Variants in ZNF169 observed in about 807,000 individuals in gnomAD.
ZNF169 encodes the protein zinc finger protein 169.
Under a neutral mutation model 12.0 loss-of-function variants are expected in ZNF169, and 11 were observed. The observed-to-expected ratio is 0.92, with a 90% confidence interval of 0.58 to 1.52. The LOEUF (loss-of-function observed/expected upper bound fraction) is 1.52, where lower values mean the gene tolerates loss of function less well. Ranked by LOEUF, ZNF169 falls within the 40% of genes most tolerant of loss-of-function variation. The pLI is 0.00. For synonymous variants in ZNF169, 302 were observed against 286.5 expected, an observed-to-expected ratio of 1.05 and a Z score of -0.55; for missense variants, 722 against 744.0, an observed-to-expected ratio of 0.97 and a Z score of 0.34.
chr9:94,267,564 T>C (rs1451619831), intron 1 of ZNF169, among the ~76,000 whole-genome samples: 1 of 152,250 alleles, frequency 6.6e-6, no homozygotes, highest in African/African-American at 2.4e-5. Context: ...ATTTTGTTCA[T>C]GGGCATACAC....
At chr9:94,259,831 C>T (rs1386750867) in intron 1 of ZNF169, among the ~76,000 whole-genome samples, 11 of 152,196 alleles carry the variant, frequency 7.2e-5, no homozygotes, top group Admixed American at 7.2e-4. Flanking sequence ...CAAACTTCCC[C>T]ATTAGTGGGA....
At chr9:94,268,803 T>G in intron 1 of ZNF169, among the ~76,000 whole-genome samples, 1 of 133,276 alleles carries the variant, frequency 7.5e-6, no homozygotes, top group East Asian at 2.5e-4. Context: ...AAAAAAAAAA[T>G]TTCCAAAGAC....
At chr9:94,288,007 T>C (rs1244995750) in intron 2 of ZNF169, 2 of 795,934 alleles carry the variant, frequency 2.5e-6, no homozygotes, top group South Asian at 1.4e-5. Context: ...TTCACTTTAG[T>C]GTGAAACTGG....
At chr9:94,289,750 A>T (rs186493846) in intron 2 of ZNF169, among the ~76,000 whole-genome samples, 32 of 152,202 alleles carry the variant, frequency 2.1e-4, no homozygotes, top group Non-Finnish European at 2.4e-4. Context: ...AGATCGTGCC[A>T]TTGCACTCCA....
intron 2 of ZNF169, among the ~76,000 whole-genome samples, chr9:94,282,184 A>G (rs1830651532): frequency 6.6e-6 from 1 of 152,202 alleles, no homozygotes; most frequent in Admixed American, 6.5e-5. Context: ...AGGGTTAAAT[A>G]AAACCCATCT....
rs776785592 is a variant in ZNF169, at chr9:94,293,040, A to C, written c.227A>C (p.Glu76Ala). Residue 76 changes from glutamate (E) to alanine (A), a missense_variant, in exon 4 of 5, where the codon GAG becomes GCG. Transcript: ENST00000395395. ...LEQGDEPWREENEHLLDLCPE... is the reference protein window; with the variant it reads ...LEQGDEPWREANEHLLDLCPE... ...CAAGGCGACGAACCTTGGAGAGAGG[A>C]GAACGAACATCTTCTGGACCTTTGT... The C allele has an allele frequency of 1.2e-6, 2 of 1,613,562 alleles. No homozygotes were observed. The highest frequency in any genetic ancestry group is 1.7e-6 in the Non-Finnish European group (2 of 1,179,768).
At chr9:94,296,911 G>A (rs1830963835) in intron 4 of ZNF169, 1 of 441,306 alleles carries the variant, frequency 2.3e-6, no homozygotes, top group Non-Finnish European at 4.5e-6. Context: ...GCCGAGTGTG[G>A]TGGTGCGCAC....
intron 1 of ZNF169, among the ~76,000 whole-genome samples, chr9:94,262,108 T>A (rs1295569466): frequency 6.6e-6 from 1 of 152,202 alleles, no homozygotes; most frequent in Non-Finnish European, 1.5e-5. Context: ...CTTTATTATA[T>A]GAGGACTCCA....
At chr9:94,287,916 G>C (rs747075401) in intron 2 of ZNF169, 12 of 936,420 alleles carry the variant, frequency 1.3e-5, no homozygotes, top group Non-Finnish European at 1.9e-5. Flanking sequence ...ACTGTTTCCT[G>C]CTGTCCAGGC....
At chr9:94,275,891 C>T (rs1419200486) in intron 1 of ZNF169, among the ~76,000 whole-genome samples, 1 of 151,410 alleles carries the variant, frequency 6.6e-6, no homozygotes, top group Non-Finnish European at 1.5e-5. Context: ...AAGTGATTCT[C>T]CTGCCTCAGC....
intron 1 of ZNF169, among the ~76,000 whole-genome samples, chr9:94,265,943 G>A (rs1036975430): frequency 6.6e-6 from 1 of 151,940 alleles, no homozygotes; most frequent in African/African-American, 2.4e-5. Context: ...AAAAATGGCT[G>A]GGCATGGTGG....
intron 1 of ZNF169, among the ~76,000 whole-genome samples, chr9:94,268,785 CAAAAAAA>C (rs58102758): frequency 8.8e-6 from 1 of 113,328 alleles, no homozygotes; most frequent in African/African-American, 3.3e-5. Flanking sequence ...GACTCCATTT[CAAAAAAA>C]AAAAAAAAAA....
rs1190530911 is a variant in ZNF169, at chr9:94,270,702, TA to T, written c.-55-8054del. Among the ~76,000 whole-genome samples, 11 of 35,388 alleles carry T rather than the reference TA, an allele frequency of 3.1e-4. 1 individual carries two copies. Among genetic ancestry groups the T allele is most frequent in the Non-Finnish European group, 6.3e-4 (8 of 12,630 alleles). The allele number at this position is 35,388 out of a possible 152,430, so 23.2% of individuals were successfully genotyped here. ...AATATATATAAATATATAATTTATA[TA>T]ATTATATAATATATAATATTATATA... On this transcript the variant is annotated intron_variant, in intron 1 of 4. Coordinates refer to ENST00000395395, the MANE Select transcript of ZNF169 (RefSeq NM_194320.4).
Position 94,300,505 on chromosome 9 carries a change from G to A in ZNF169, c.947G>A (p.Arg316Lys), listed in dbSNP as rs1432195929. ...CACAAGAGGATTCACTCCGGGGAGA[G>A]GCCCTTTGTATGTCAGGAGTGTGGG... Reference protein sequence around the residue: ...TNHKRIHSGERPFVCQECGRG... With the variant: ...TNHKRIHSGEKPFVCQECGRG... Residue 316 changes from arginine to lysine, a missense_variant, in exon 5 of 5, where the codon AGG (arginine) becomes AAG (lysine). By Grantham distance (26) the Arg-to-Lys change is conservative. Coordinates refer to ENST00000395395, the MANE Select transcript of ZNF169 (RefSeq NM_194320.4). The A allele has an allele frequency of 6.2e-7, 1 of 1,614,002 alleles. No homozygotes were observed. The highest frequency in any genetic ancestry group is 2.2e-5 in the East Asian group (1 of 44,858).
chr9:94,271,475 A>G (rs1830420211), intron 1 of ZNF169, among the ~76,000 whole-genome samples: 1 of 152,046 alleles, frequency 6.6e-6, no homozygotes, highest in Admixed American at 6.6e-5. Flanking sequence ...TAATCCCAGC[A>G]CTTTGGGAGG....
At chr9:94,281,982 G>GGGAA (rs1256415288) in intron 2 of ZNF169, among the ~76,000 whole-genome samples, 5 of 152,050 alleles carry the variant, frequency 3.3e-5, no homozygotes, top group African/African-American at 1.2e-4. Flanking sequence ...TCCTGGATCT[G>GGGAA]GGAAGGAAGG....
intron 2 of ZNF169, among the ~76,000 whole-genome samples, chr9:94,281,524 C>T (rs574497541): frequency 1.1e-4 from 17 of 152,258 alleles, no homozygotes; most frequent in Non-Finnish European, 1.9e-4. Flanking sequence ...GGATTGTCAA[C>T]GAAAAGAGTC....
intron 2 of ZNF169, among the ~76,000 whole-genome samples, chr9:94,289,821 A>G (rs544559822): frequency 6.6e-6 from 1 of 152,332 alleles, no homozygotes; most frequent in East Asian, 1.9e-4. Flanking sequence ...AAATACACTA[A>G]GAAACACTGT....
intron 4 of ZNF169, chr9:94,293,420 A>AT: frequency 1.7e-6 from 1 of 584,366 alleles, no homozygotes; most frequent in South Asian, 2.2e-5. Context: ...TTTTATTTTT[A>AT]TTTTTATTTT....
Sources: gnomAD v4.1 joint callset for allele counts (sites outside exome capture counted in the v4.1 genomes callset) on GRCh38, gnomAD v4.1.1 for gene constraint, MANE v1.5 for transcripts, NCBI Gene and HGNC (gene_info 2026-07-23, HGNC 2026-07-21) for gene names.